Variants in MCC observed in about 807,000 individuals in gnomAD.
MCC encodes the protein MCC regulator of Wnt signaling pathway.
A neutral mutation model predicts 116.2 loss-of-function variants in MCC; 90 were observed. The observed-to-expected ratio is 0.77, with a 90% CI of 0.65 to 0.92. The LOEUF is 0.92. Ranked by LOEUF, MCC falls within the 40% of genes least tolerant of loss-of-function variation. The probability of loss-of-function intolerance (pLI) is 0.00; values close to 1 mark genes in which losing one functional copy is unlikely to be tolerated. For missense variants in MCC, 1,516 were observed against 1,312.2 expected, an observed-to-expected ratio of 1.16 and a Z score of -2.40; for synonymous variants, 578 against 510.5, an observed-to-expected ratio of 1.13 and a Z score of -1.78.
At chr5:113,187,200 G>C (rs1034450539) in intron 3 of MCC, among the ~76,000 whole-genome samples, 1 of 152,060 alleles carries the variant, frequency 6.6e-6, no homozygotes, top group South Asian at 2.1e-4. Flanking sequence ...CCAGGTTCAA[G>C]CAAGTTCAAG....
chr5:113,346,043 A>T (rs948554543), intron 2 of MCC, among the ~76,000 whole-genome samples: 3 of 152,232 alleles, frequency 2.0e-5, no homozygotes, highest in African/African-American at 4.8e-5. Context: ...GTCTGAAATA[A>T]TTAAAAGGAA....
intron 3 of MCC, among the ~76,000 whole-genome samples, chr5:113,257,708 G>C (rs188579023): frequency 6.6e-6 from 1 of 152,114 alleles, no homozygotes; most frequent in African/African-American, 2.4e-5. Context: ...ATATGCATGG[G>C]GGTGTGGGTG....
Position 113,143,265 on chromosome 5 carries a change from A to G in MCC, c.837T>C (p.Ile279=), listed in dbSNP as rs369285820. 3.3e-5 allele frequency: 54 copies of G among 1,613,078 alleles called. No individual in the cohort carries two copies. The African/African-American group carries it at 6.1e-4, about 18-fold the overall frequency. The part of the protein sequence containing the change: ...EERITELHSV[I]AELNKKIDRL... ...GGTCTATCTTCTTGTTGAGCTCCGC[A>G]ATGACGCTGTGGAGCTCTGTGATGC... is the stretch of plus-strand genomic sequence containing the variant. The change falls in exon 5 of 19, where the codon ATT becomes ATC. Residue 279 remains isoleucine (I), a synonymous_variant. Coordinates refer to ENST00000408903, the MANE Select transcript of MCC (RefSeq NM_001085377.2).
chr5:113,311,006 G>A (rs1170925001), intron 3 of MCC, among the ~76,000 whole-genome samples: 13 of 152,212 alleles, frequency 8.5e-5, no homozygotes, highest in Non-Finnish European at 1.9e-4. Context: ...GCTCATGCCT[G>A]TAAATCTCAG....
In MCC at chr5:113,302,271, T is replaced by C. The variant is rs1922677; in HGVS notation, c.627+38248A>G. ...CATTAACCACAAAAAAAACCCTATA[T>C]AACTCTACTAGACAAAACAATGTGG... On this transcript the variant is annotated intron_variant, in intron 3 of 18. Coordinates refer to ENST00000408903, the MANE Select transcript of MCC (RefSeq NM_001085377.2). 7.0e-3 allele frequency among the ~76,000 whole-genome samples: 1,064 copies of C among 152,206 alleles called. 6 individuals are homozygous for C. Among genetic ancestry groups the C allele is most frequent in the Non-Finnish European group, 0.012 (798 of 68,000 alleles).
chr5:113,177,362 T>C (rs1761389888), intron 3 of MCC, among the ~76,000 whole-genome samples: 1 of 152,210 alleles, frequency 6.6e-6, no homozygotes, highest in Non-Finnish European at 1.5e-5. Context: ...TCCTCTAACA[T>C]GGGAACTATG....
chr5:113,097,556 A>T (rs1756101931), intron 8 of MCC, among the ~76,000 whole-genome samples: 1 of 152,198 alleles, frequency 6.6e-6, no homozygotes, highest in Non-Finnish European at 1.5e-5. Context: ...ATAAAGTACT[A>T]TTTTGCAGTC....
chr5:113,335,104 A>G (rs1274453700), intron 3 of MCC, among the ~76,000 whole-genome samples: 1 of 151,750 alleles, frequency 6.6e-6, no homozygotes, highest in African/African-American at 2.4e-5. Flanking sequence ...TTAACCGCAA[A>G]GCTAGCACAC....
At position 113,053,932 on chromosome 5, in the gene MCC, G is replaced by A. The variant is rs202122201; in HGVS notation, c.2241C>T (p.Cys747=). 360 of 1,612,944 alleles carry A rather than the reference G, an allele frequency of 2.2e-4. 1 individual carries two copies. Among genetic ancestry groups the A allele is most frequent in the Middle Eastern group, 3.3e-4 (2 of 6,080 alleles). ...TSTTSSTASS[C]DTEFTKEDEQ... ...CGTCTTCTTTAGTGAACTCGGTGTC[G>A]CAACTACTGGCTGTGGAGCTGGTTG... Residue 747 remains cysteine, a synonymous_variant, in exon 15 of 19, where the codon TGC becomes TGT. Coordinates refer to ENST00000408903, the MANE Select transcript of MCC (RefSeq NM_001085377.2).
chr5:113,236,817 G>C (rs1052567949), intron 3 of MCC, among the ~76,000 whole-genome samples: 1 of 152,124 alleles, frequency 6.6e-6, no homozygotes, highest in South Asian at 2.1e-4. Context: ...TCAGGGGGAC[G>C]GGGGACAGGC....
intron 3 of MCC, among the ~76,000 whole-genome samples, chr5:113,275,025 G>A (rs1399228181): frequency 6.6e-6 from 1 of 152,182 alleles, no homozygotes; most frequent in Non-Finnish European, 1.5e-5. Context: ...GCTTGCAAAT[G>A]CTTCACTCAC....
chr5:113,094,368 T>C (rs146348341), intron 8 of MCC, among the ~76,000 whole-genome samples: 1 of 152,056 alleles, frequency 6.6e-6, no homozygotes, highest in East Asian at 1.9e-4. Context: ...CTAAAGTACC[T>C]GGATGTGTTA....
chr5:113,176,789 T>C (rs915425224), intron 3 of MCC, among the ~76,000 whole-genome samples: 2 of 152,140 alleles, frequency 1.3e-5, no homozygotes, highest in Non-Finnish European at 2.9e-5. Context: ...CACGTCCCTC[T>C]TATCGATTTC....
At chr5:113,157,709 C>T (rs1043671453) in intron 3 of MCC, among the ~76,000 whole-genome samples, 1 of 152,224 alleles carries the variant, frequency 6.6e-6, no homozygotes, top group African/African-American at 2.4e-5. Context: ...ACAGGAGTTA[C>T]AGTGGTCTCC....
intron 5 of MCC, among the ~76,000 whole-genome samples, chr5:113,137,794 T>C (rs1008798116): frequency 3.3e-5 from 5 of 152,176 alleles, no homozygotes; most frequent in Non-Finnish European, 7.3e-5. Context: ...CAGCACCATA[T>C]ACTGTTGCTA....
chr5:113,165,066 C>T (rs1760698265), intron 3 of MCC, among the ~76,000 whole-genome samples: 1 of 152,266 alleles, frequency 6.6e-6, no homozygotes, highest in African/African-American at 2.4e-5. Context: ...ACCCCATCTG[C>T]CAACACTAGC....
At chr5:113,257,027 A>G (rs960432197) in intron 3 of MCC, among the ~76,000 whole-genome samples, 9 of 152,118 alleles carry the variant, frequency 5.9e-5, no homozygotes, top group Non-Finnish European at 1.3e-4. Context: ...TCACCCTTCC[A>G]TTACATCTCG....
chr5:113,326,391 G>T (rs57727389), intron 3 of MCC, among the ~76,000 whole-genome samples: 1 of 152,138 alleles, frequency 6.6e-6, no homozygotes, highest in Non-Finnish European at 1.5e-5. Flanking sequence ...TGGAGGCTGG[G>T]AAGTCCAAGA....
intron 18 of MCC, among the ~76,000 whole-genome samples, chr5:113,028,270 T>G (rs1750705634): frequency 6.6e-6 from 1 of 152,212 alleles, no homozygotes; most frequent in South Asian, 2.1e-4. Context: ...GAAGCAAATG[T>G]GAGAACCTAG....
Sources: allele counts gnomAD v4.1 joint callset (sites outside exome capture counted in the v4.1 genomes callset), GRCh38; gene constraint gnomAD v4.1.1; transcripts MANE v1.5; gene names NCBI Gene and HGNC (gene_info 2026-07-23, HGNC 2026-07-21).